The following DNAH9 variants were observed in gnomAD, a reference collection of about 807,000 sequenced individuals.
DNAH9 encodes DNAH9 variant protein.
DNAH9 carries 345 observed loss-of-function variants against 471.6 expected under a neutral mutation model. The ratio of observed to expected loss-of-function variants is 0.73; its 90% CI spans 0.67 to 0.80. The LOEUF is 0.80. Ranked by LOEUF, DNAH9 falls within the 30% of genes least tolerant of loss-of-function variation. The pLI is 0.00. For missense variants in DNAH9, 5,407 were observed against 5,609.2 expected, an observed-to-expected ratio of 0.96 and a Z score of 1.15; for synonymous variants, 2,093 against 2,123.6, an observed-to-expected ratio of 0.99 and a Z score of 0.40.
intron 14 of DNAH9, among the ~76,000 whole-genome samples, chr17:11,662,912 T>C (rs11654253): frequency 0.33 from 50,177 of 150,296 alleles, 8,604 homozygotes; most frequent in Middle Eastern, 0.42. Context: ...CCCGCCACTA[T>C]GCCTGGCTAA....
Position 11,742,206 on chromosome 17 carries a change from T to C in DNAH9, c.6004T>C (p.Leu2002=), listed in dbSNP as rs749873144. The change falls in exon 30 of 69, where the codon TTG becomes CTG. Residue 2002 remains leucine (L), a synonymous_variant. Coordinates refer to ENST00000262442, the MANE Select transcript of DNAH9 (RefSeq NM_001372.4). ...TGCAATGGTGGTTCCAGACTTTGAA[T>C]TGATCTGTGAAATCATGCTGGTGGC... ...PCAMVVPDFE[L]ICEIMLVAEG... is the part of the protein sequence containing the mutation. 22 of 1,614,012 alleles carry C rather than the reference T, an allele frequency of 1.4e-5. No individual in the cohort carries two copies. In the African/African-American group the frequency reaches 2.0e-4, roughly 15 times the overall value.
chr17:11,768,164 C>T (rs921748589), intron 36 of DNAH9, among the ~76,000 whole-genome samples: 2 of 152,192 alleles, frequency 1.3e-5, no homozygotes, highest in African/African-American at 4.8e-5. Flanking sequence ...TTCCACCTCC[C>T]TCCCTCAACC....
intron 53 of DNAH9, among the ~76,000 whole-genome samples, chr17:11,877,366 A>C (rs964526877): frequency 2.7e-5 from 4 of 149,542 alleles, no homozygotes; most frequent in Non-Finnish European, 4.4e-5. Context: ...CCAGCTACTC[A>C]GGAAGCTGAG....
rs1223721419 is a variant in DNAH9, at chr17:11,899,406, T to C, written c.11407-3313T>C. On this transcript the variant is annotated intron_variant, in intron 59 of 68. Transcript: ENST00000262442. ...TCTCATCTGCGATGAAGGCCTTTGT[T>C]AGCCTTTGAAAAGGCCCCTTACTAC... Among the ~76,000 whole-genome samples the C allele has an allele frequency of 5.3e-5, 8 of 152,322 alleles. No individual in the cohort carries two copies. In the East Asian group the frequency reaches 1.5e-3, roughly 29 times the overall value.
At chr17:11,834,919 A>G (rs1385383703) in intron 49 of DNAH9, 21 bp downstream of exon 49, 1 of 1,608,170 alleles carries the variant, frequency 6.2e-7, no homozygotes, top group Non-Finnish European at 8.5e-7. Context: ...TGTCTGCCAT[A>G]CCTGCTCATC....
intron 57 of DNAH9, 138 bp from the exon 58 acceptor site, chr17:11,891,639 A>C (rs1973052314): frequency 1.0e-6 from 1 of 984,326 alleles, no homozygotes; most frequent in African/African-American, 1.6e-5. Flanking sequence ...CACTGTGATC[A>C]CAGGCATGAG....
chr17:11,704,797 G>C (rs919842823), intron 25 of DNAH9, among the ~76,000 whole-genome samples: 3 of 152,148 alleles, frequency 2.0e-5, no homozygotes, highest in African/African-American at 7.2e-5. Context: ...TGGTCAGGCT[G>C]GTCTCAAACT....
At chr17:11,741,626 C>T (rs1456355002) in intron 29 of DNAH9, among the ~76,000 whole-genome samples, 2 of 151,980 alleles carry the variant, frequency 1.3e-5, no homozygotes, top group African/African-American at 4.8e-5. Context: ...CTTTTGGACC[C>T]ACTTAATACA....
At chr17:11,619,461 T>C in intron 5 of DNAH9, 87 bp from the exon 6 acceptor site, 1 of 763,680 alleles carries the variant, frequency 1.3e-6, no homozygotes, top group Non-Finnish European at 2.3e-6. Flanking sequence ...AAAATATTAC[T>C]GGGGCAATGA....
rs577842086 is a variant in DNAH9 at position 11,604,370 on chromosome 17, C to T, written c.418-3759C>T. 9.2e-5 allele frequency among the ~76,000 whole-genome samples: 14 copies of T among 152,110 alleles called. No individual in the cohort carries two copies. In the South Asian group the frequency reaches 1.7e-3, roughly 18 times the overall value. ...ATGGTCCTACGGCTCATTCCCTGGA[C>T]GTCTTCTCTTCTCTCTATATACACC... On this transcript the variant is annotated intron_variant, in intron 1 of 68. Transcript: ENST00000262442.
intron 49 of DNAH9, among the ~76,000 whole-genome samples, chr17:11,841,900 CT>C (rs1597722246): frequency 6.6e-6 from 1 of 151,950 alleles, no homozygotes; most frequent in South Asian, 2.1e-4. Context: ...TTTTAGATTT[CT>C]TTTTCTGTTC....
intron 50 of DNAH9, among the ~76,000 whole-genome samples, chr17:11,864,023 C>G (rs1183452856): frequency 6.6e-6 from 1 of 151,036 alleles, no homozygotes; most frequent in African/African-American, 2.4e-5. Flanking sequence ...CTATTTCCTT[C>G]AGTTCTGCTC....
rs890263040 is a variant in DNAH9, at chr17:11,693,458, C to T, written c.4615-410C>T. 1.2e-4 allele frequency among the ~76,000 whole-genome samples: 18 copies of T among 151,280 alleles called. 1 individual carries two copies. The highest frequency in any genetic ancestry group is 1.3e-4 in the Non-Finnish European group (9 of 67,896). On this transcript the variant is annotated intron_variant, in intron 20 of 68. Transcript: ENST00000262442. ...ATTTTTAGTTGAGACAGGGTTTCAC[C>T]ATGTTGGCCAGGCTGGTCTCAAACT...
At chr17:11,631,233 C>CA (rs1011163258) in intron 7 of DNAH9, among the ~76,000 whole-genome samples, 1 of 152,010 alleles carries the variant, frequency 6.6e-6, no homozygotes, top group African/African-American at 2.4e-5. Context: ...AGTATGAAAA[C>CA]AGAGAATGGA....
chr17:11,769,600 C>T (rs1302704269), intron 38 of DNAH9, among the ~76,000 whole-genome samples: 4 of 152,226 alleles, frequency 2.6e-5, no homozygotes, highest in Admixed American at 1.3e-4. Flanking sequence ...CAGAGCAGTT[C>T]AGCACCTTGA....
intron 48 of DNAH9, among the ~76,000 whole-genome samples, chr17:11,823,855 A>C (rs532796561): frequency 6.6e-6 from 1 of 151,180 alleles, no homozygotes; most frequent in South Asian, 2.1e-4. Context: ...ACTTGAACCC[A>C]GGTGGCGGAG....
At chr17:11,785,017 A>AGTCCTAAAGACTG (rs1222894130) in intron 41 of DNAH9, among the ~76,000 whole-genome samples, 9 of 152,154 alleles carry the variant, frequency 5.9e-5, no homozygotes, top group African/African-American at 2.2e-4. Flanking sequence ...GCCAGCCTCT[A>AGTCCTAAAGACTG]AGAGGGTCTC....
chr17:11,714,136 T>C (rs1597527235), intron 26 of DNAH9, among the ~76,000 whole-genome samples: 1 of 152,320 alleles, frequency 6.6e-6, no homozygotes, highest in East Asian at 1.9e-4. Context: ...AACGGATTTG[T>C]TTTAGGTTAG....
chr17:11,834,555 T>C (rs1970782195), intron 48 of DNAH9, 83 bp from the exon 49 acceptor site: 19 of 1,546,232 alleles, frequency 1.2e-5, no homozygotes, highest in Non-Finnish European at 1.6e-5. Context: ...CCTCAGGTCA[T>C]GCCCAACAGG....
Sources: allele counts gnomAD v4.1 joint callset (sites outside exome capture counted in the v4.1 genomes callset), GRCh38; gene constraint gnomAD v4.1.1; transcripts MANE v1.5; gene names NCBI Gene and HGNC (gene_info 2026-07-23, HGNC 2026-07-21).